SNTG2: variants seen among roughly 807,000 people sequenced by gnomAD.
SNTG2 encodes syntrophin gamma 2.
SNTG2 carries 74 observed loss-of-function variants against 70.9 expected under a neutral mutation model. The ratio of observed to expected loss-of-function variants is 1.04; its 90% CI spans 0.86 to 1.27. The LOEUF (loss-of-function observed/expected upper bound fraction) is 1.27, where lower values mean the gene tolerates loss of function less well. Ranked by LOEUF, SNTG2 falls within the 50% of genes most tolerant of loss-of-function variation. The probability of loss-of-function intolerance (pLI) is 0.00; values close to 1 mark genes in which losing one functional copy is unlikely to be tolerated. For missense variants in SNTG2, 717 were observed against 690.7 expected (o/e 1.04, Z -0.43); for synonymous variants, 278 against 273.8 (o/e 1.02, Z -0.15).
At chr2:1,055,699 C>T (rs1005348094) in intron 1 of SNTG2, among the ~76,000 whole-genome samples, 6 of 152,270 alleles carry the variant, frequency 3.9e-5, no homozygotes, top group South Asian at 2.1e-4. Context: ...GGAAGAAACC[C>T]GGAACAGTAA....
chr2:1,266,681 G>A (rs1447401753), intron 13 of SNTG2, among the ~76,000 whole-genome samples: 1 of 151,072 alleles, frequency 6.6e-6, no homozygotes, highest in Non-Finnish European at 1.5e-5. Context: ...TAGAGTGGTG[G>A]TGGTATTTTC....
intron 8 of SNTG2, among the ~76,000 whole-genome samples, chr2:1,185,243 C>G (rs1672173877): frequency 6.6e-6 from 1 of 152,184 alleles, no homozygotes; most frequent in Admixed American, 6.5e-5. Context: ...CTCTCAAAGG[C>G]TCAGCTCCTA....
chr2:1,044,470 T>C (rs1661614811), intron 1 of SNTG2, among the ~76,000 whole-genome samples: 1 of 152,202 alleles, frequency 6.6e-6, no homozygotes, highest in South Asian at 2.1e-4. Flanking sequence ...CTTGTTCTGG[T>C]TCTCAAGGGA....
intron 16 of SNTG2, among the ~76,000 whole-genome samples, chr2:1,318,792 G>C (rs1039317429): frequency 6.7e-6 from 1 of 148,632 alleles, no homozygotes; most frequent in Non-Finnish European, 1.5e-5. Flanking sequence ...GAGGAGCACC[G>C]TAACCTTTTG....
chr2:976,714 C>T (rs1287934755), intron 1 of SNTG2, among the ~76,000 whole-genome samples: 1 of 152,210 alleles, frequency 6.6e-6, no homozygotes, highest in Non-Finnish European at 1.5e-5. Flanking sequence ...CTGGTGGCAC[C>T]TGCTGTCCAC....
chr2:1,223,438 G>A (rs896738794), intron 9 of SNTG2, among the ~76,000 whole-genome samples: 2 of 151,226 alleles, frequency 1.3e-5, no homozygotes, highest in Non-Finnish European at 3.0e-5. Flanking sequence ...CTGCAGCCCG[G>A]GCACTGATCT....
intron 16 of SNTG2, among the ~76,000 whole-genome samples, chr2:1,363,104 C>G (rs1394835318): frequency 6.7e-6 from 1 of 149,230 alleles, no homozygotes; most frequent in Non-Finnish European, 1.5e-5. Context: ...GATGGAATGA[C>G]TCCTGTGAAA....
At chr2:1,296,927 G>A (rs1380572111) in intron 14 of SNTG2, among the ~76,000 whole-genome samples, 1 of 152,158 alleles carries the variant, frequency 6.6e-6, no homozygotes, top group Non-Finnish European at 1.5e-5. Context: ...CCAGATACAG[G>A]ACACAGAAAA....
At chr2:1,015,746 A>G (rs1363936566) in intron 1 of SNTG2, among the ~76,000 whole-genome samples, 1 of 152,204 alleles carries the variant, frequency 6.6e-6, no homozygotes, top group African/African-American at 2.4e-5. Flanking sequence ...AATCATTACA[A>G]ATGTCTATGA....
Position 952,915 on chromosome 2 carries a change from T to A in SNTG2, c.72+1847T>A, listed in dbSNP as rs536003843. Reference sequence around the variant, plus strand: ...CTTACTTAATGGCAGAATTATTTTCTTACCATAACTGCACAATATTATTCA... The same window carrying A: ...CTTACTTAATGGCAGAATTATTTTCATACCATAACTGCACAATATTATTCA... On this transcript the variant is annotated intron_variant, in intron 1 of 16. Coordinates refer to ENST00000308624, the MANE Select transcript of SNTG2 (RefSeq NM_018968.4). Among the ~76,000 whole-genome samples the A allele has an allele frequency of 5.9e-5, 9 of 152,344 alleles. No homozygotes were observed. In the East Asian group the frequency reaches 1.7e-3, roughly 29 times the overall value.
intron 13 of SNTG2, among the ~76,000 whole-genome samples, chr2:1,263,478 GT>G (rs1337055207): frequency 1.3e-4 from 19 of 151,546 alleles, no homozygotes; most frequent in Non-Finnish European, 1.6e-4. Context: ...GAAAAAATAT[GT>G]AATTTTAGAA....
chr2:1,232,210 C>T (rs1277022694), intron 9 of SNTG2, among the ~76,000 whole-genome samples: 3 of 152,324 alleles, frequency 2.0e-5, no homozygotes, highest in Non-Finnish European at 4.4e-5. Context: ...CCCTGTGAGA[C>T]ACCACAGGGG....
At chr2:1,155,176 CCCCACACACATATATAGA>C (rs1669800402) in intron 6 of SNTG2, among the ~76,000 whole-genome samples, 2 of 147,354 alleles carry the variant, frequency 1.4e-5, no homozygotes, top group South Asian at 4.4e-4. Context: ...TAGACCCCCC[CCCCACACACATATATAGA>C]CCACACACAC....
chr2:1,189,606 T>G (rs1430082618), intron 8 of SNTG2, among the ~76,000 whole-genome samples: 1 of 151,908 alleles, frequency 6.6e-6, no homozygotes, highest in Non-Finnish European at 1.5e-5. Context: ...TTGCCCAGGC[T>G]GGAGTCCAGT....
chr2:1,095,331 T>C (rs1665323849), intron 2 of SNTG2, among the ~76,000 whole-genome samples: 1 of 152,182 alleles, frequency 6.6e-6, no homozygotes, highest in Non-Finnish European at 1.5e-5. Flanking sequence ...AGAAACTTGA[T>C]TTTAGAGAGA....
intron 4 of SNTG2, among the ~76,000 whole-genome samples, chr2:1,115,060 A>G (rs1666852172): frequency 6.6e-6 from 1 of 151,880 alleles, no homozygotes; most frequent in Admixed American, 6.6e-5. Context: ...TTTGAGAAGG[A>G]TCGTGTGTAC....
At chr2:1,311,116 A>G (rs1216069993) in intron 15 of SNTG2, among the ~76,000 whole-genome samples, 1 of 152,114 alleles carries the variant, frequency 6.6e-6, no homozygotes, top group Non-Finnish European at 1.5e-5. Flanking sequence ...GCTTCCAGGG[A>G]GGAACTTTTC....
In SNTG2 at chr2:1,038,882, T is replaced by C. The variant is rs977734511; in HGVS notation, c.73-44636T>C. Among the ~76,000 whole-genome samples, 9 of 152,354 alleles carry C rather than the reference T, an allele frequency of 5.9e-5. No individual in the cohort carries two copies. The East Asian group carries it at 1.7e-3, about 29-fold the overall frequency. On this transcript the variant is annotated intron_variant, in intron 1 of 16. Coordinates refer to ENST00000308624, the MANE Select transcript of SNTG2 (RefSeq NM_018968.4). ...TGGGAAGATTTAGATCCACTGCCTG[T>C]TTTTCATCCTTTTCCACCTGCAGTT...
At chr2:1,022,258 C>A (rs1054503463) in intron 1 of SNTG2, among the ~76,000 whole-genome samples, 3 of 152,074 alleles carry the variant, frequency 2.0e-5, no homozygotes, top group Admixed American at 2.0e-4. Flanking sequence ...TCCCATGAAT[C>A]CCTTTGTTCC....
Sources: gnomAD v4.1 joint callset for allele counts (sites outside exome capture counted in the v4.1 genomes callset) on GRCh38, gnomAD v4.1.1 for gene constraint, MANE v1.5 for transcripts, NCBI Gene and HGNC (gene_info 2026-07-23, HGNC 2026-07-21) for gene names.